The following NT5DC1 variants were observed in gnomAD, a reference collection of about 807,000 sequenced individuals.
The protein encoded by NT5DC1 is 5'-nucleotidase domain containing 1.
In NT5DC1, 42 loss-of-function variants were observed where a neutral mutation model predicts 59.4. The observed-to-expected ratio is 0.71, with a 90% CI of 0.55 to 0.92. NT5DC1 has a LOEUF of 0.92. Among genes scored for constraint, NT5DC1 ranks in the 40% least tolerant of loss-of-function variants. NT5DC1 has a pLI of 0.00. For missense variants in NT5DC1, 501 were observed against 537.1 expected (o/e 0.93, Z 0.66); for synonymous variants, 172 against 188.1 (o/e 0.91, Z 0.70).
At chr6:116,174,271 C>G (rs1000987527) in intron 6 of NT5DC1, among the ~76,000 whole-genome samples, 1 of 152,132 alleles carries the variant, frequency 6.6e-6, no homozygotes, top group Non-Finnish European at 1.5e-5. Flanking sequence ...AGCCCACTCT[C>G]AAGAGTGACG....
chr6:116,122,588 A>C (rs1779163751), intron 6 of NT5DC1, among the ~76,000 whole-genome samples: 1 of 152,222 alleles, frequency 6.6e-6, no homozygotes, highest in African/African-American at 2.4e-5. Context: ...CTAAATACAA[A>C]TATATAGTGT....
intron 6 of NT5DC1, among the ~76,000 whole-genome samples, chr6:116,186,837 TA>T (rs1323011551): frequency 6.6e-6 from 1 of 152,090 alleles, no homozygotes; most frequent in African/African-American, 2.4e-5. Context: ...TTGATTGACT[TA>T]ATAGTTGATC....
Position 116,244,500 on chromosome 6 carries a change from C to T in NT5DC1, c.*476C>T, listed in dbSNP as rs573379285. 6.6e-6 allele frequency: 1 copy of T among 152,522 alleles called. No homozygotes were observed. Among genetic ancestry groups the T allele is most frequent in the Non-Finnish European group, 1.5e-5 (1 of 68,302 alleles). The allele number at this position is 152,522 out of a possible 1,614,324, so 9.4% of individuals were successfully genotyped here. ...TCTGATTTACAGTACAGTTTGAGAC[C>T]CACTGGCTAGAACATATCCTCCAGA... On this transcript the variant is annotated 3_prime_UTR_variant, in exon 12 of 12. Coordinates refer to ENST00000319550, the MANE Select transcript of NT5DC1 (RefSeq NM_152729.3).
chr6:116,146,674 T>G (rs1208556629), intron 6 of NT5DC1, among the ~76,000 whole-genome samples: 1 of 152,210 alleles, frequency 6.6e-6, no homozygotes, highest in African/African-American at 2.4e-5. Flanking sequence ...TTTCTTAAAC[T>G]TAAGTATGCT....
rs375357417 is a variant in NT5DC1 at position 116,125,594 on chromosome 6, A to G, written c.529+7649A>G. ...TGTTTCACAGATGAGTTCTTTATACAGTTATCTACTTTTTTAACCTATCCT... is the reference window on the plus strand; with the variant it reads ...TGTTTCACAGATGAGTTCTTTATACGGTTATCTACTTTTTTAACCTATCCT... On this transcript the variant is annotated intron_variant, in intron 6 of 11. Transcript: ENST00000319550. 2.5e-3 allele frequency: 2,942 copies of G among 1,192,704 alleles called. 81 individuals carry two copies. The South Asian group carries it at 0.033, about 13-fold the overall frequency. 73.9% of individuals were successfully genotyped at this position (1,192,704 alleles called of 1,614,324 possible).
chr6:116,210,870 GC>G (rs1781562853), intron 6 of NT5DC1, among the ~76,000 whole-genome samples: 1 of 151,924 alleles, frequency 6.6e-6, no homozygotes, highest in Non-Finnish European at 1.5e-5. Context: ...AAATATACTG[GC>G]AGGAATCACA....
chr6:116,117,274 C>T (rs1399224943), intron 5 of NT5DC1, among the ~76,000 whole-genome samples: 2 of 151,908 alleles, frequency 1.3e-5, no homozygotes, highest in African/African-American at 4.8e-5. Flanking sequence ...TTTATTTGGG[C>T]TATATGAGCT....
At chr6:116,188,429 C>T (rs1053701867) in intron 6 of NT5DC1, among the ~76,000 whole-genome samples, 1 of 151,960 alleles carries the variant, frequency 6.6e-6, no homozygotes, top group Non-Finnish European at 1.5e-5. Context: ...AGTTGCTATG[C>T]AGTGTGTCAT....
intron 6 of NT5DC1, chr6:116,122,001 T>C: frequency 6.5e-7 from 1 of 1,549,778 alleles, no homozygotes; most frequent in East Asian, 2.2e-5. Flanking sequence ...TAGAAGGGGA[T>C]GGTTAGTGAC....
chr6:116,111,913 A>C lies in NT5DC1; in HGVS notation c.364+957A>C, dbSNP rs139998070. ...AAGCCTCTTACTCAAATGATGGTCG[A>C]GAACTGCTGTTGTCTCTCCAGATGT... On this transcript the variant is annotated intron_variant, in intron 4 of 11. Transcript: ENST00000319550. 1.3e-5 allele frequency among the ~76,000 whole-genome samples: 2 copies of C among 152,362 alleles called. 1 individual carries two copies. The highest frequency in any genetic ancestry group is 2.9e-5 in the Non-Finnish European group (2 of 68,030).
At chr6:116,223,545 A>C (rs999765353) in intron 8 of NT5DC1, among the ~76,000 whole-genome samples, 1 of 152,246 alleles carries the variant, frequency 6.6e-6, no homozygotes, top group Non-Finnish European at 1.5e-5. Flanking sequence ...ATTGTCATTC[A>C]TGTAGAAGAG....
At chr6:116,223,338 G>T (rs914492847) in intron 8 of NT5DC1, among the ~76,000 whole-genome samples, 2 of 152,200 alleles carry the variant, frequency 1.3e-5, no homozygotes, top group African/African-American at 4.8e-5. Context: ...CTTTAAAAAT[G>T]AAGGGCATGA....
chr6:116,138,971 T>C (rs1191677021), intron 6 of NT5DC1, among the ~76,000 whole-genome samples: 4 of 152,172 alleles, frequency 2.6e-5, no homozygotes, highest in African/African-American at 9.7e-5. Flanking sequence ...GTAGGATTTG[T>C]ATAATTGCAG....
intron 4 of NT5DC1, among the ~76,000 whole-genome samples, chr6:116,111,194 G>A (rs1778869202): frequency 6.6e-6 from 1 of 152,202 alleles, no homozygotes; most frequent in Non-Finnish European, 1.5e-5. Flanking sequence ...ACCTGTACTT[G>A]TTCTGGTTTA....
rs1217978629 is a variant in NT5DC1 at position 116,229,347 on chromosome 6, TTAAAG to T, written c.802+6223_802+6227del. The stretch of plus-strand genomic sequence containing the variant: ...ATATTTAAGTCATTGCTCCAAATGG[TTAAAG>T]TAAAGTTAATGCAACTGAGCTGGCT... On this transcript the variant is annotated intron_variant, in intron 8 of 11. Transcript: ENST00000319550. Among the ~76,000 whole-genome samples the T allele has an allele frequency of 6.6e-5, 10 of 152,246 alleles. No individual in the cohort carries two copies. In the South Asian group the frequency reaches 1.0e-3, roughly 16 times the overall value.
intron 6 of NT5DC1, among the ~76,000 whole-genome samples, chr6:116,183,444 T>C (rs1780930046): frequency 6.6e-6 from 1 of 152,108 alleles, no homozygotes; most frequent in South Asian, 2.1e-4. Flanking sequence ...TGGCATTGAA[T>C]CTGTATATTG....
intron 6 of NT5DC1, among the ~76,000 whole-genome samples, chr6:116,146,719 T>C (rs1003980727): frequency 6.6e-6 from 1 of 152,084 alleles, no homozygotes; most frequent in Non-Finnish European, 1.5e-5. Flanking sequence ...TTAAGTGTCA[T>C]GGTATTCAAA....
chr6:116,153,766 A>G (rs1442800793), intron 6 of NT5DC1, among the ~76,000 whole-genome samples: 2 of 152,120 alleles, frequency 1.3e-5, no homozygotes, highest in Non-Finnish European at 2.9e-5. Flanking sequence ...TTTATGTTTT[A>G]TGCAATGATA....
intron 6 of NT5DC1, among the ~76,000 whole-genome samples, chr6:116,196,755 G>T (rs1781236207): frequency 6.6e-6 from 1 of 151,844 alleles, no homozygotes; most frequent in Admixed American, 6.6e-5. Flanking sequence ...TGTTGGGAAT[G>T]CTGGCTCACT....
Sources: gnomAD v4.1 joint callset for allele counts (sites outside exome capture counted in the v4.1 genomes callset) on GRCh38, gnomAD v4.1.1 for gene constraint, MANE v1.5 for transcripts, NCBI Gene and HGNC (gene_info 2026-07-23, HGNC 2026-07-21) for gene names.